The following ZNF442 variants were observed in gnomAD, a reference collection of about 807,000 sequenced individuals.
The protein encoded by ZNF442 is zinc finger protein 442.
In ZNF442, 45 loss-of-function variants were observed where a neutral mutation model predicts 57.0. The ratio of observed to expected loss-of-function variants is 0.79; its 90% CI spans 0.62 to 1.01. The LOEUF is 1.01. ZNF442 is among the 50% of genes least tolerant of loss of function. ZNF442 has a pLI of 0.00. For missense variants in ZNF442, 690 were observed against 756.5 expected, an observed-to-expected ratio of 0.91 and a Z score of 1.03; for synonymous variants, 213 against 241.8, an observed-to-expected ratio of 0.88 and a Z score of 1.10.
chr19:12,356,627 C>CA lies in ZNF442; in HGVS notation c.79-3514dup, dbSNP rs902166496. On this transcript the variant is annotated intron_variant, in intron 3 of 5. Coordinates refer to ENST00000242804, the MANE Select transcript of ZNF442 (RefSeq NM_030824.3). ...GGGCAACAAGAGTGAAACTCCGTCTCAAAAAAAAAAGAGAGAGAGAGAAAC... is the reference window on the plus strand; with the variant it reads ...GGGCAACAAGAGTGAAACTCCGTCTCAAAAAAAAAAAGAGAGAGAGAGAAAC... Among the ~76,000 whole-genome samples, 328 of 133,878 alleles carry CA rather than the reference C, an allele frequency of 2.4e-3. 4 individuals are homozygous for CA. Among genetic ancestry groups the CA allele is most frequent in the African/African-American group, 7.8e-3 (262 of 33,528 alleles). 87.8% of individuals were successfully genotyped at this position (133,878 alleles called of 152,430 possible). A position where few individuals can be genotyped will look rare whatever the true frequency, so the allele number is the denominator to read the frequency against.
intron 3 of ZNF442, among the ~76,000 whole-genome samples, chr19:12,354,864 G>C (rs1969300464): frequency 6.6e-6 from 1 of 152,194 alleles, no homozygotes; most frequent in Non-Finnish European, 1.5e-5. Flanking sequence ...ACGTATGACA[G>C]ACAATATATG....
upstream of ZNF442, among the ~76,000 whole-genome samples, chr19:12,368,926 C>G (rs1183191399): frequency 6.6e-6 from 1 of 151,926 alleles, no homozygotes. Flanking sequence ...GTCCTCTGCG[C>G]AGTGTGAAAA....
At chr19:12,357,352 T>A in intron 3 of ZNF442, among the ~76,000 whole-genome samples, 1 of 130,552 alleles carries the variant, frequency 7.7e-6, no homozygotes, top group Non-Finnish European at 1.6e-5. Context: ...TTTCTTTCTT[T>A]TTTTTTTTTT....
At position 12,351,055 on chromosome 19, in the gene ZNF442, C is replaced by G. The variant is rs1265874583; in HGVS notation, c.530G>C (p.Gly177Ala). Residue 177 changes from glycine (G) to alanine (A), a missense_variant, in exon 6 of 6, where the codon GGA (glycine) becomes GCA (alanine). Gly to Ala is a moderately conservative substitution (Grantham distance 60). Transcript: ENST00000242804. ...TTCCTTACAATCATAGCGTTTCTTT[C>G]CAGTGTGAGGTCTTTCCTGTGTTTG... ...SFQTQERPHT[G>A]KKRYDCKECG... 4 of 1,614,166 alleles carry G rather than the reference C, an allele frequency of 2.5e-6. No homozygotes were observed. In the South Asian group the frequency reaches 4.4e-5, roughly 18 times the overall value.
Position 12,350,079 on chromosome 19 carries a change from G to C in ZNF442, c.1506C>G (p.Tyr502Ter). Residue 502 changes from tyrosine to a stop codon, truncating the protein, a stop_gained, in exon 6 of 6, where the codon TAC (tyrosine) becomes TAG (stop). Transcript: ENST00000242804. LOFTEE classifies it high-confidence loss of function. ...ECGKAFSCFT[Y>*]LSQHRRTHMA... ...TGTGAGTCCTTCTATGTTGAGAAAGGTATGTGAAACAACTGAATGCTTTCC... is the reference window on the plus strand; with the variant it reads ...TGTGAGTCCTTCTATGTTGAGAAAGCTATGTGAAACAACTGAATGCTTTCC... The C allele has an allele frequency of 6.2e-7, 1 of 1,613,838 alleles. No homozygotes were observed. Among genetic ancestry groups the C allele is most frequent in the South Asian group, 1.1e-5 (1 of 91,052 alleles).
chr19:12,366,810 AT>A (rs984168474), upstream of ZNF442, among the ~76,000 whole-genome samples: 17 of 151,890 alleles, frequency 1.1e-4, no homozygotes, highest in Non-Finnish European at 7.4e-5. Context: ...ATTTTTTTGT[AT>A]TTTAGTAGAG....
Position 12,350,857 on chromosome 19 carries a change from C to G in ZNF442, c.728G>C (p.Cys243Ser), listed in dbSNP as rs757755988. 5.8e-5 allele frequency: 93 copies of G among 1,613,916 alleles called. No individual in the cohort carries two copies. In the Middle Eastern group the frequency reaches 2.0e-3, roughly 34 times the overall value. Residue 243 changes from cysteine (C) to serine (S), a missense_variant, in exon 6 of 6, where the codon TGT becomes TCT. Coordinates refer to ENST00000242804, the MANE Select transcript of ZNF442 (RefSeq NM_030824.3). ...GGAACTGTAAATAGGGAAGGCTTTA[C>G]AACACTGCTTACATTCATACGGTTT... Reference protein sequence around the residue: ...GEKPYECKQCCKAFPIYSSYL... With the variant: ...GEKPYECKQCSKAFPIYSSYL...
chr19:12,361,332 G>T (rs1312331304), intron 3 of ZNF442, among the ~76,000 whole-genome samples: 1 of 152,144 alleles, frequency 6.6e-6, no homozygotes, highest in Non-Finnish European at 1.5e-5. Context: ...TTAGCTGTTG[G>T]AAAGTCCTGT....
chr19:12,370,731 T>C (rs936759133), upstream of ZNF442, among the ~76,000 whole-genome samples: 6 of 152,104 alleles, frequency 3.9e-5, no homozygotes, highest in Admixed American at 2.0e-4. Context: ...TCCCAGCACC[T>C]TGGCAGGCCG....
chr19:12,356,141 G>A (rs746486320), intron 3 of ZNF442, among the ~76,000 whole-genome samples: 16 of 152,022 alleles, frequency 1.1e-4, no homozygotes, highest in Non-Finnish European at 2.9e-5. Flanking sequence ...GATCCCTTAA[G>A]CCCAGGAGTT....
At chr19:12,367,201 C>A (rs1400314664), upstream of ZNF442, among the ~76,000 whole-genome samples, 2 of 152,108 alleles carry the variant, frequency 1.3e-5, no homozygotes, top group African/African-American at 4.8e-5. Context: ...AGAAAGAGTA[C>A]AAAGAGAAGA....
Position 12,350,958 on chromosome 19 carries a change from A to G in ZNF442, c.627T>C (p.Tyr209=). 7 of 1,614,236 alleles carry G rather than the reference A, an allele frequency of 4.3e-6. No homozygotes were observed. The East Asian group carries it at 1.3e-4, about 31-fold the overall frequency. Residue 209 remains tyrosine (Y), a synonymous_variant, in exon 6 of 6, where the codon TAT becomes TAC. Transcript: ENST00000242804. ...HIIVQRGGGP[Y]ICKLCGKAFF... ...AGGCTTTCCCACACAACTTACATATATAAGGTCCACCTCCACGTTGTACTA... is the reference window on the plus strand; with the variant it reads ...AGGCTTTCCCACACAACTTACATATGTAAGGTCCACCTCCACGTTGTACTA...
intron 4 of ZNF442, 49 bp downstream of exon 4, chr19:12,352,939 G>GA (rs760853251): frequency 1.9e-6 from 3 of 1,580,792 alleles, no homozygotes; most frequent in South Asian, 2.4e-5. Context: ...TGATGACCAA[G>GA]AAAAAAATGT....
intron 3 of ZNF442, among the ~76,000 whole-genome samples, chr19:12,363,285 GT>G (rs1261248805): frequency 1.3e-5 from 2 of 151,546 alleles, no homozygotes; most frequent in East Asian, 3.9e-4. Flanking sequence ...TTAATAAAAC[GT>G]TGAAGCTGAA....
chr19:12,363,248 T>C (rs182981293), intron 3 of ZNF442, among the ~76,000 whole-genome samples: 1 of 151,970 alleles, frequency 6.6e-6, no homozygotes, highest in African/African-American at 2.4e-5. Context: ...ATGGAAATAC[T>C]TTCTCTATCA....
the ZNF442 span, among the ~76,000 whole-genome samples, chr19:12,373,061 C>T: frequency 8.5e-5 from 13 of 152,262 alleles, no homozygotes; most frequent in African/African-American, 2.4e-4. Flanking sequence ...TGTCAGCCAC[C>T]GCACCCAGCC....
chr19:12,351,969 G>T (rs373225701), intron 5 of ZNF442, 41 bp downstream of exon 5: 9 of 1,570,718 alleles, frequency 5.7e-6, no homozygotes, highest in Non-Finnish European at 7.8e-6. Context: ...CCTAAGAATT[G>T]CTCCACAGAT....
At chr19:12,368,911 CCT>C (rs1165291975), upstream of ZNF442, among the ~76,000 whole-genome samples, 1 of 152,106 alleles carries the variant, frequency 6.6e-6, no homozygotes, top group African/African-American at 2.4e-5. Context: ...AACTTGCCCT[CCT>C]GTGTCCTCTG....
intron 3 of ZNF442, among the ~76,000 whole-genome samples, chr19:12,354,874 G>GTGTT (rs1248584124): frequency 6.6e-6 from 1 of 152,208 alleles, no homozygotes; most frequent in African/African-American, 2.4e-5. Context: ...GACAATATAT[G>GTGTT]TGTTAATCAA....
Sources: allele counts gnomAD v4.1 joint callset (sites outside exome capture counted in the v4.1 genomes callset), GRCh38; gene constraint gnomAD v4.1.1; transcripts MANE v1.5; gene names NCBI Gene and HGNC (gene_info 2026-07-23, HGNC 2026-07-21).